Variants in FBXW7 observed in about 807,000 individuals in gnomAD.
FBXW7 encodes the protein F-box and WD repeat domain containing 7, also known as F-box/WD repeat-containing protein 7.
In FBXW7, 11 loss-of-function variants were observed where a neutral mutation model predicts 86.3. The observed-to-expected ratio is 0.13, with a 90% CI of 0.08 to 0.21. The LOEUF (loss-of-function observed/expected upper bound fraction) is 0.21. Ranked by LOEUF, FBXW7 falls within the 10% of genes least tolerant of loss-of-function variation. The probability of loss-of-function intolerance (pLI) is 1.00; values close to 1 mark genes in which losing one functional copy is unlikely to be tolerated. For synonymous variants in FBXW7, 313 were observed against 297.9 expected (o/e 1.05, Z -0.52); for missense variants, 488 against 847.4 (o/e 0.58, Z 5.27).
At chr4:152,358,991 T>G (rs778332573) in intron 4 of FBXW7, among the ~76,000 whole-genome samples, 14 of 152,154 alleles carry the variant, frequency 9.2e-5, no homozygotes, top group Non-Finnish European at 1.9e-4. Flanking sequence ...ACACGAGACA[T>G]TGTTAAAGAA....
intron 4 of FBXW7, among the ~76,000 whole-genome samples, chr4:152,358,481 TA>T (rs993919693): frequency 6.2e-5 from 9 of 144,766 alleles, no homozygotes; most frequent in African/African-American, 2.3e-4. Flanking sequence ...TTAGTCATGA[TA>T]AAAAAGTTTT....
At chr4:152,398,546 A>C (rs374229512) in intron 4 of FBXW7, among the ~76,000 whole-genome samples, 3 of 152,018 alleles carry the variant, frequency 2.0e-5, no homozygotes, top group African/African-American at 7.2e-5. Context: ...AATGAAAAAA[A>C]ATAGCATTTT....
chr4:152,342,977 T>A (rs1056722318), intron 6 of FBXW7, among the ~76,000 whole-genome samples: 10 of 152,216 alleles, frequency 6.6e-5, no homozygotes, highest in African/African-American at 2.4e-4. Flanking sequence ...AATTCAATTT[T>A]GGCACTATCC....
At chr4:152,334,758 T>C (rs1042886446) in intron 7 of FBXW7, among the ~76,000 whole-genome samples, 2 of 152,164 alleles carry the variant, frequency 1.3e-5, no homozygotes, top group African/African-American at 4.8e-5. Flanking sequence ...CTAAAGAAAG[T>C]TGAAGTGCTA....
intron 2 of FBXW7, among the ~76,000 whole-genome samples, chr4:152,482,850 A>G (rs1031547536): frequency 1.3e-5 from 2 of 152,152 alleles, no homozygotes; most frequent in Non-Finnish European, 2.9e-5. Context: ...AGGTTAACTT[A>G]AAAGTCCCTA....
chr4:152,497,444 A>G (rs576460251), intron 2 of FBXW7, among the ~76,000 whole-genome samples: 1 of 152,056 alleles, frequency 6.6e-6, no homozygotes, highest in South Asian at 2.1e-4. Flanking sequence ...ATCACCACAA[A>G]TCAATTTAAG....
At chr4:152,481,185 A>G (rs188366392) in intron 2 of FBXW7, among the ~76,000 whole-genome samples, 86 of 152,288 alleles carry the variant, frequency 5.6e-4, no homozygotes, top group Admixed American at 3.4e-3. Flanking sequence ...CAAAAATTGT[A>G]GGGCCCTTAA....
At chr4:152,369,426 G>T (rs1014743552) in intron 4 of FBXW7, among the ~76,000 whole-genome samples, 8 of 152,058 alleles carry the variant, frequency 5.3e-5, no homozygotes, top group African/African-American at 1.9e-4. Flanking sequence ...TTTGTTCACT[G>T]TTGTACTCTA....
chr4:152,439,882 A>G (rs926152185), intron 2 of FBXW7, among the ~76,000 whole-genome samples: 1 of 151,780 alleles, frequency 6.6e-6, no homozygotes, highest in South Asian at 2.1e-4. Flanking sequence ...AAAAAAAAAA[A>G]AAAAGTCCAA....
chr4:152,421,570 A>G (rs2126917609), intron 2 of FBXW7, among the ~76,000 whole-genome samples: 1 of 152,274 alleles, frequency 6.6e-6, no homozygotes, highest in Middle Eastern at 3.4e-3. Flanking sequence ...AAAAGAAAGG[A>G]ACTTTTCCTC....
At chr4:152,443,899 T>G (rs960205868) in intron 2 of FBXW7, among the ~76,000 whole-genome samples, 1 of 152,196 alleles carries the variant, frequency 6.6e-6, no homozygotes, top group Non-Finnish European at 1.5e-5. Context: ...TAAGGTATAG[T>G]AGAAAATTTG....
At chr4:152,430,925 A>G (rs1434005091) in intron 2 of FBXW7, among the ~76,000 whole-genome samples, 1 of 152,212 alleles carries the variant, frequency 6.6e-6, no homozygotes, top group Non-Finnish European at 1.5e-5. Flanking sequence ...CCAGTGCCTG[A>G]CATATATTTC....
chr4:152,435,541 A>C (rs564577845), intron 2 of FBXW7, among the ~76,000 whole-genome samples: 17 of 152,326 alleles, frequency 1.1e-4, no homozygotes, highest in South Asian at 4.1e-4. Context: ...TAATTTTCAG[A>C]TCTCAGGAAC....
intron 2 of FBXW7, among the ~76,000 whole-genome samples, chr4:152,488,492 C>A (rs1186625680): frequency 6.6e-6 from 1 of 152,008 alleles, no homozygotes; most frequent in East Asian, 1.9e-4. Context: ...AATAAAGCAA[C>A]CTTTTGTTAG....
intron 4 of FBXW7, among the ~76,000 whole-genome samples, chr4:152,405,809 T>C (rs1040004700): frequency 6.6e-6 from 1 of 152,070 alleles, no homozygotes; most frequent in African/African-American, 2.4e-5. Flanking sequence ...CACTTTTCTA[T>C]CCACTGACCA....
chr4:152,452,309 A>G (rs541339779), intron 2 of FBXW7, among the ~76,000 whole-genome samples: 1 of 152,374 alleles, frequency 6.6e-6, no homozygotes, highest in South Asian at 2.1e-4. Context: ...TCCAGAGAGC[A>G]AAACAAATTT....
chr4:152,337,856 C>T lies in FBXW7; in HGVS notation c.807G>A (p.Met269Ile), dbSNP rs1343017280. Residue 269 changes from methionine (M) to isoleucine (I), a missense_variant, in exon 7 of 14, where the codon ATG (methionine) becomes ATA (isoleucine). Met to Ile is a conservative substitution (Grantham distance 10, BLOSUM62 1). This residue lies in a region of FBXW7 where 59 missense variants were observed against 137.9 expected (regional missense o/e 0.43). Coordinates refer to ENST00000281708, the MANE Select transcript of FBXW7 (RefSeq NM_001349798.2). ...SCEPTQVKHMMQVIEPQFQRD... is the reference protein window; with the variant it reads ...SCEPTQVKHMIQVIEPQFQRD... ...GTTGAAACTGGGGTTCTATCACTTG[C>T]ATCATATGTTTTACTTGTGTTGGTT... 6.2e-7 allele frequency: 1 copy of T among 1,612,304 alleles called. No individual in the cohort carries two copies. Among genetic ancestry groups the T allele is most frequent in the Non-Finnish European group, 8.5e-7 (1 of 1,179,176 alleles).
chr4:152,458,145 A>G (rs1265491722), intron 2 of FBXW7, among the ~76,000 whole-genome samples: 2 of 151,626 alleles, frequency 1.3e-5, no homozygotes, highest in Non-Finnish European at 1.5e-5. Context: ...TCAGCCTCCC[A>G]AGTAGCTGGG....
chr4:152,502,613 AGAG>A (rs1378241547), intron 2 of FBXW7, among the ~76,000 whole-genome samples: 2 of 152,180 alleles, frequency 1.3e-5, no homozygotes, highest in African/African-American at 4.8e-5. Context: ...TGAATGGACA[AGAG>A]GAGGACACAT....
Sources: gnomAD v4.1 joint callset for allele counts (sites outside exome capture counted in the v4.1 genomes callset) on GRCh38, gnomAD v4.1.1 for gene constraint, gnomAD v4.1.1 regional missense constraint, MANE v1.5 for transcripts, NCBI Gene and HGNC (gene_info 2026-07-23, HGNC 2026-07-21) for gene names.